PDLIM5: variants seen among roughly 807,000 people sequenced by gnomAD.
The protein encoded by PDLIM5 is PDZ and LIM domain protein 5.
In PDLIM5, 34 loss-of-function variants were observed where a neutral mutation model predicts 64.2. The ratio of observed to expected loss-of-function variants is 0.53; its 90% CI spans 0.40 to 0.71. The LOEUF is 0.71. PDLIM5 is among the 30% of genes least tolerant of loss of function. The pLI, the probability that PDLIM5 is intolerant of heterozygous loss-of-function variation, is 0.00. For synonymous variants in PDLIM5, 253 were observed against 269.1 expected, an observed-to-expected ratio of 0.94 and a Z score of 0.59; for missense variants, 683 against 733.6, an observed-to-expected ratio of 0.93 and a Z score of 0.80.
intron 10 of PDLIM5, among the ~76,000 whole-genome samples, chr4:94,655,509 T>G (rs529873779): frequency 1.3e-5 from 2 of 152,302 alleles, no homozygotes; most frequent in Admixed American, 1.3e-4. Flanking sequence ...TTAAGATATC[T>G]CTTAGGATAT....
chr4:94,517,617 A>G (rs767616567), intron 2 of PDLIM5, among the ~76,000 whole-genome samples: 6 of 152,168 alleles, frequency 3.9e-5, no homozygotes, highest in Non-Finnish European at 7.4e-5. Flanking sequence ...GTTTTTGGAC[A>G]TGGGAAATTT....
intron 2 of PDLIM5, among the ~76,000 whole-genome samples, chr4:94,512,620 AT>A (rs111333038): frequency 0.38 from 56,490 of 149,700 alleles, 14,830 homozygotes; most frequent in African/African-American, 0.76. Context: ...GGATTATTAG[AT>A]TTTTTTTTTC....
rs1231339535 is a variant in PDLIM5 at position 94,543,820 on chromosome 4, G to A, written c.248+19945G>A. ...TGTGTGTGTGTGTGTGTGTGTGTGT[G>A]TGTGTGTGTGTGTGTTTTCTTTATC... On this transcript the variant is annotated intron_variant, in intron 3 of 12. Transcript: ENST00000317968. Among the ~76,000 whole-genome samples, 4 of 125,356 alleles carry A rather than the reference G, an allele frequency of 3.2e-5. No individual in the cohort carries two copies. The East Asian group carries it at 8.2e-4, about 26-fold the overall frequency. The allele number at this position is 125,356 out of a possible 152,430, so 82.2% of individuals were successfully genotyped here.
intron 8 of PDLIM5, among the ~76,000 whole-genome samples, chr4:94,636,939 T>C (rs781193759): frequency 2.0e-5 from 3 of 152,114 alleles, no homozygotes; most frequent in Non-Finnish European, 2.9e-5. Flanking sequence ...TACTTCTAGC[T>C]GGGGTGGTCA....
intron 2 of PDLIM5, among the ~76,000 whole-genome samples, chr4:94,489,625 G>A (rs978869980): frequency 4.0e-5 from 6 of 151,712 alleles, no homozygotes; most frequent in Non-Finnish European, 8.8e-5. Flanking sequence ...AAACAGTATA[G>A]GAATATACAA....
intron 3 of PDLIM5, among the ~76,000 whole-genome samples, chr4:94,538,575 G>T (rs1364491738): frequency 6.6e-6 from 1 of 151,996 alleles, no homozygotes; most frequent in Non-Finnish European, 1.5e-5. Flanking sequence ...TCTATTTTGT[G>T]GACTAATTAC....
chr4:94,570,311 G>C (rs1021862291), intron 3 of PDLIM5, among the ~76,000 whole-genome samples: 3 of 152,144 alleles, frequency 2.0e-5, no homozygotes, highest in East Asian at 1.9e-4. Context: ...CAAAAAGCCT[G>C]ACCAGCTTTG....
intron 5 of PDLIM5, chr4:94,582,749 G>A: frequency 6.6e-7 from 1 of 1,511,298 alleles, no homozygotes. Context: ...CTTAACCAAT[G>A]ATTCACTTTG....
chr4:94,603,170 T>C (rs1042294240), intron 7 of PDLIM5, among the ~76,000 whole-genome samples: 5 of 152,160 alleles, frequency 3.3e-5, no homozygotes, highest in African/African-American at 1.2e-4. Context: ...TTGTAGAGAA[T>C]GTTAAGCACT....
At chr4:94,605,365 AC>A (rs149437995) in intron 7 of PDLIM5, among the ~76,000 whole-genome samples, 6,819 of 152,268 alleles carry the variant, frequency 0.045, 551 homozygotes, top group African/African-American at 0.15. Context: ...AGAAATAGAC[AC>A]AATGCATGAA....
At chr4:94,526,895 G>A (rs1730410948) in intron 3 of PDLIM5, among the ~76,000 whole-genome samples, 1 of 151,298 alleles carries the variant, frequency 6.6e-6, no homozygotes, top group South Asian at 2.1e-4. Context: ...ACCATTCCTG[G>A]CTGATTTTTT....
intron 3 of PDLIM5, among the ~76,000 whole-genome samples, chr4:94,533,424 A>AT (rs1702558040): frequency 6.6e-6 from 1 of 152,188 alleles, no homozygotes; most frequent in South Asian, 2.1e-4. Flanking sequence ...ATCTTTAAAA[A>AT]TTTTTTTGGA....
chr4:94,640,497 T>TG, intron 9 of PDLIM5, 47 bp downstream of exon 9: 1 of 1,123,910 alleles, frequency 8.9e-7, no homozygotes, highest in Non-Finnish European at 1.2e-6. Flanking sequence ...ATATCAATGT[T>TG]GGGTTTTTTT....
At chr4:94,464,325 ATGCTGTTTACCAT>A (rs1318210354) in intron 2 of PDLIM5, among the ~76,000 whole-genome samples, 1 of 152,230 alleles carries the variant, frequency 6.6e-6, no homozygotes, top group Non-Finnish European at 1.5e-5. Flanking sequence ...TAACAATTTA[ATGCTGTTTACCAT>A]TGATTGGATC....
chr4:94,473,549 C>T (rs1394218258), intron 2 of PDLIM5, among the ~76,000 whole-genome samples: 23 of 152,176 alleles, frequency 1.5e-4, no homozygotes, highest in Non-Finnish European at 2.8e-4. Flanking sequence ...CATGAGCCAC[C>T]GCGCCTGGCC....
At chr4:94,553,289 AAT>A (rs1385977145) in intron 3 of PDLIM5, among the ~76,000 whole-genome samples, 1 of 151,942 alleles carries the variant, frequency 6.6e-6, no homozygotes, top group Non-Finnish European at 1.5e-5. Context: ...TTGCATTTTT[AAT>A]AGAGACAGGG....
intron 2 of PDLIM5, among the ~76,000 whole-genome samples, chr4:94,469,960 A>ATTTTTTTTTTTTTTTTTTTT (rs34572366): frequency 1.4e-5 from 1 of 71,556 alleles, no homozygotes; most frequent in African/African-American, 6.1e-5. Context: ...CATTCTTTTA[A>ATTTTTTTTTTTTTTTTTTTT]TTTTTTTTTT....
At chr4:94,569,930 C>T (rs185363998) in intron 3 of PDLIM5, among the ~76,000 whole-genome samples, 26 of 151,852 alleles carry the variant, frequency 1.7e-4, no homozygotes, top group African/African-American at 6.3e-4. Context: ...GCCCTAATAC[C>T]CTCTTATTTT....
chr4:94,538,500 A>G (rs757288343), intron 3 of PDLIM5, among the ~76,000 whole-genome samples: 3 of 152,174 alleles, frequency 2.0e-5, no homozygotes, highest in Non-Finnish European at 4.4e-5. Flanking sequence ...AAGGAAGAAC[A>G]GATTGGTATT....
Sources: allele counts gnomAD v4.1 joint callset (sites outside exome capture counted in the v4.1 genomes callset), GRCh38; gene constraint gnomAD v4.1.1; transcripts MANE v1.5; gene names NCBI Gene and HGNC (gene_info 2026-07-23, HGNC 2026-07-21).